Variants in DZIP1 observed in about 807,000 individuals in gnomAD.
DZIP1 encodes the protein DAZ interacting zinc finger protein 1.
DZIP1 carries 97 observed loss-of-function variants against 107.6 expected under a neutral mutation model. The observed-to-expected ratio is 0.90, with a 90% CI of 0.77 to 1.07. The LOEUF is 1.07. Ranked by LOEUF, DZIP1 falls within the 50% of genes least tolerant of loss-of-function variation. The pLI is 0.00. For missense variants in DZIP1, 1,035 were observed against 1,063.6 expected (o/e 0.97, Z 0.37); for synonymous variants, 390 against 386.4 (o/e 1.01, Z -0.11).
In DZIP1 at chr13:95,630,559, G is replaced by GTTGTATTA. The variant is rs200238896; in HGVS notation, c.686-447_686-446insTAATACAA. 8.1e-3 allele frequency among the ~76,000 whole-genome samples: 1,238 copies of GTTGTATTA among 152,144 alleles called. 8 individuals carry two copies. The highest frequency in any genetic ancestry group is 0.014 in the Admixed American group (216 of 15,272). ...TTAGGTGCCCGCTGAACTCTTCTGAGGACCCCATCAGTGCTAATACAAGCA... is the reference window on the plus strand; with the variant it reads ...TTAGGTGCCCGCTGAACTCTTCTGAGTTGTATTAGACCCCATCAGTGCTAATACAAGCA... On this transcript the variant is annotated intron_variant, in intron 6 of 22. Coordinates refer to ENST00000376829, the MANE Select transcript of DZIP1 (RefSeq NM_198968.4).
intron 12 of DZIP1, among the ~76,000 whole-genome samples, chr13:95,610,116 GAGAGAC>G (rs1408688889): frequency 1.2e-4 from 17 of 143,802 alleles, no homozygotes; most frequent in African/African-American, 1.8e-4. Context: ...GTGTGTGAGA[GAGAGAC>G]AGAGAGAGAG....
intron 7 of DZIP1, among the ~76,000 whole-genome samples, chr13:95,625,849 T>A (rs1876477494): frequency 6.6e-6 from 1 of 151,950 alleles, no homozygotes; most frequent in South Asian, 2.1e-4. Context: ...AAGGTCCAGG[T>A]GTGATGGCTA....
rs1219722973 is a variant in DZIP1 at position 95,590,283 on chromosome 13, A to T, written c.1839T>A (p.Ser613=). ...TGCAGTGGGTAACAAGCTTACCTGA[A>T]GAGAGTAGTGCTTTCTCCTCAATTT... ...SCKIEEKALL[S]SDQCSVSQMD... is the part of the protein sequence containing the mutation. The change falls in exon 17 of 23, where the codon TCT becomes TCA. Residue 613 remains serine (S), a synonymous_variant. Coordinates refer to ENST00000376829, the MANE Select transcript of DZIP1 (RefSeq NM_198968.4). 6.2e-7 allele frequency: 1 copy of T among 1,608,046 alleles called. No homozygotes were observed. The highest frequency in any genetic ancestry group is 1.3e-5 in the African/African-American group (1 of 74,740).
chr13:95,613,491 G>T (rs1216799864), intron 10 of DZIP1, among the ~76,000 whole-genome samples: 1 of 149,920 alleles, frequency 6.7e-6, no homozygotes, highest in African/African-American at 2.5e-5. Flanking sequence ...CAGCCTGGGT[G>T]ACAGAGCGAG....
chr13:95,608,590 G>GT (rs1156472242), intron 13 of DZIP1, among the ~76,000 whole-genome samples: 2 of 151,798 alleles, frequency 1.3e-5, no homozygotes, highest in Non-Finnish European at 2.9e-5. Context: ...TTCATAAGAT[G>GT]TAAGTTCAGC....
chr13:95,588,301 T>A (rs2044219222), intron 19 of DZIP1, among the ~76,000 whole-genome samples: 1 of 152,214 alleles, frequency 6.6e-6, no homozygotes, highest in African/African-American at 2.4e-5. Flanking sequence ...TCCCAAGAAA[T>A]AATGCTCTTC....
Position 95,621,531 on chromosome 13 carries a change from G to A in DZIP1, c.1110+812C>T, listed in dbSNP as rs138725761. The stretch of plus-strand genomic sequence containing the variant: ...TAGAATGACCCAGGCTTTTAAAAAA[G>A]AATCCTGAATTCATAAGCTCTCATC... On this transcript the variant is annotated intron_variant, in intron 9 of 22. Coordinates refer to ENST00000376829, the MANE Select transcript of DZIP1 (RefSeq NM_198968.4). Among the ~76,000 whole-genome samples the A allele has an allele frequency of 4.4e-3, 667 of 152,128 alleles. 8 individuals carry two copies. The highest frequency in any genetic ancestry group is 0.015 in the African/African-American group (641 of 41,506).
intron 9 of DZIP1, among the ~76,000 whole-genome samples, chr13:95,621,430 T>C (rs533084887): frequency 6.6e-6 from 1 of 152,254 alleles, no homozygotes; most frequent in East Asian, 1.9e-4. Flanking sequence ...GCAGGTAGAT[T>C]TGGGTCAGGG....
At chr13:95,636,299 T>C (rs1242060139) in intron 5 of DZIP1, among the ~76,000 whole-genome samples, 2 of 151,770 alleles carry the variant, frequency 1.3e-5, no homozygotes, top group African/African-American at 4.8e-5. Flanking sequence ...TCCCAGCACT[T>C]TGGGAGGCCA....
In DZIP1 at chr13:95,582,263, TCA is replaced by T. The variant is rs1272852182; in HGVS notation, c.2573_2574del (p.Val858AspfsTer2). ...ACATCTGAAGTGTCGCTCCAATCAG[TCA>T]CAGTTACTAAGCTGCTTTTTAATGT... The part of the protein sequence containing the change: ...SSTLKSSLVT[V>X]TDWSDTSDV On this transcript the variant is annotated frameshift_variant, in exon 23 of 23. Coordinates refer to ENST00000376829, the MANE Select transcript of DZIP1 (RefSeq NM_198968.4). LOFTEE classifies it high-confidence loss of function. The T allele has an allele frequency of 6.2e-7, 1 of 1,614,062 alleles. No homozygotes were observed. The highest frequency in any genetic ancestry group is 1.3e-5 in the African/African-American group (1 of 74,948).
At chr13:95,629,087 T>G (rs1040804991) in intron 7 of DZIP1, among the ~76,000 whole-genome samples, 1 of 152,252 alleles carries the variant, frequency 6.6e-6, no homozygotes, top group African/African-American at 2.4e-5. Flanking sequence ...TCAATGATTC[T>G]GTGAAATGAC....
intron 21 of DZIP1, among the ~76,000 whole-genome samples, chr13:95,585,328 A>T (rs932661488): frequency 6.6e-6 from 1 of 152,148 alleles, no homozygotes; most frequent in Non-Finnish European, 1.5e-5. Context: ...AAAGGTGCAC[A>T]CAGTTCTACC....
intron 16 of DZIP1, among the ~76,000 whole-genome samples, chr13:95,591,587 C>T (rs1452919948): frequency 6.6e-6 from 1 of 152,142 alleles, no homozygotes; most frequent in Non-Finnish European, 1.5e-5. Flanking sequence ...AGTACCACCT[C>T]CAAGAAGAAG....
chr13:95,602,995 C>A (rs1246787059), intron 14 of DZIP1, among the ~76,000 whole-genome samples: 1 of 152,078 alleles, frequency 6.6e-6, no homozygotes, highest in African/African-American at 2.4e-5. Flanking sequence ...GCTTTGAGAA[C>A]AAAACATAAT....
intron 16 of DZIP1, among the ~76,000 whole-genome samples, chr13:95,592,466 G>A (rs1336748296): frequency 6.6e-6 from 1 of 152,170 alleles, no homozygotes; most frequent in Non-Finnish European, 1.5e-5. Flanking sequence ...AAGGGTCTAT[G>A]TGGAAATTTA....
At chr13:95,595,196 A>T (rs962957598) in intron 15 of DZIP1, among the ~76,000 whole-genome samples, 4 of 152,238 alleles carry the variant, frequency 2.6e-5, no homozygotes, top group Non-Finnish European at 5.9e-5. Flanking sequence ...CTCAGCAGAC[A>T]GGATTCTTAA....
chr13:95,643,775 T>C (rs1169693017), intron 1 of DZIP1, 77 bp from the exon 2 acceptor site: 2 of 152,522 alleles, frequency 1.3e-5, no homozygotes, highest in African/African-American at 2.4e-5. Context: ...TCGAATGACT[T>C]AGGCGCTTAG....
At chr13:95,633,115 T>C in intron 6 of DZIP1, 119 bp downstream of exon 6, 1 of 917,710 alleles carries the variant, frequency 1.1e-6, no homozygotes, top group Non-Finnish European at 1.7e-6. Flanking sequence ...ACTTACTGAA[T>C]TGACAGGGAC....
Position 95,606,983 on chromosome 13 carries a change from A to T in DZIP1, c.1421-924T>A, listed in dbSNP as rs947487054. On this transcript the variant is annotated intron_variant, in intron 13 of 22. Coordinates refer to ENST00000376829, the MANE Select transcript of DZIP1 (RefSeq NM_198968.4). ...AGTTTACCGCTTCTTTCTTTTATCA[A>T]GACAGACTTTTAATTCTAATCTTAC... Among the ~76,000 whole-genome samples, 14 of 152,300 alleles carry T rather than the reference A, an allele frequency of 9.2e-5. 2 individuals are homozygous for T. The highest frequency in any genetic ancestry group is 3.4e-4 in the African/African-American group (14 of 41,582).
Sources: allele counts gnomAD v4.1 joint callset (sites outside exome capture counted in the v4.1 genomes callset), GRCh38; gene constraint gnomAD v4.1.1; transcripts MANE v1.5; gene names NCBI Gene and HGNC (gene_info 2026-07-23, HGNC 2026-07-21).